CPSF7: variants seen among roughly 807,000 people sequenced by gnomAD.
CPSF7 encodes the protein cleavage and polyadenylation specific factor 7.
In CPSF7, 1 loss-of-function variant was observed where a neutral mutation model predicts 44.3. The observed-to-expected ratio is 0.02, with a 90% CI of 0.01 to 0.11. The LOEUF (loss-of-function observed/expected upper bound fraction) is 0.11. CPSF7 is among the 10% of genes least tolerant of loss of function. CPSF7 has a pLI of 1.00. For missense variants in CPSF7, 443 were observed against 607.2 expected (o/e 0.73, Z 2.84); for synonymous variants, 202 against 222.0 (o/e 0.91, Z 0.80).
At chr11:61,429,891 C>T in intron 1 of CPSF7, 23 bp downstream of exon 1, 1 of 1,517,948 alleles carries the variant, frequency 6.6e-7, no homozygotes, top group East Asian at 2.5e-5. Flanking sequence ...CCCAACCTGC[C>T]CCCGACCGCG....
Position 61,420,104 on chromosome 11 carries a change from G to T in CPSF7, c.378-10C>A, listed in dbSNP as rs1273137257. On this transcript the variant is annotated splice_polypyrimidine_tract_variant and intron_variant, in intron 4 of 9. Transcript: ENST00000439958. ...CACCACCTCAGCATACCTTAGGAAAGAAAAATTAAAAATGAATGAAATCTG... is the reference window on the plus strand; with the variant it reads ...CACCACCTCAGCATACCTTAGGAAATAAAAATTAAAAATGAATGAAATCTG... The T allele has an allele frequency of 6.3e-7, 1 of 1,583,346 alleles. No individual in the cohort carries two copies. Among genetic ancestry groups the T allele is most frequent in the East Asian group, 2.3e-5 (1 of 44,408 alleles).
At chr11:61,423,205 C>T (rs1861056552) in intron 2 of CPSF7, among the ~76,000 whole-genome samples, 1 of 120,948 alleles carries the variant, frequency 8.3e-6, no homozygotes, top group African/African-American at 2.9e-5. Flanking sequence ...CACAGTCTTG[C>T]TCCATTGCCC....
chr11:61,411,771 G>C lies in CPSF7; in HGVS notation c.1224C>G (p.Ser408=), dbSNP rs1462702397. Reference sequence around the variant, plus strand: ...TGAGGACACAATCACCAACTCACCTGGAAGAGCTCCCACTGGCACCCACAC... The same window carrying C: ...TGAGGACACAATCACCAACTCACCTCGAAGAGCTCCCACTGGCACCCACAC... ...SYSVGASGSS[S]RKRHRSRERS... is the part of the protein sequence containing the mutation. Residue 408 remains serine (S), a splice_region_variant and synonymous_variant, in exon 8 of 10, where the codon TCC becomes TCG. Coordinates refer to ENST00000439958, the MANE Select transcript of CPSF7 (RefSeq NM_001142565.3). The C allele has an allele frequency of 1.2e-6, 2 of 1,609,786 alleles. No individual in the cohort carries two copies. The highest frequency in any genetic ancestry group is 1.3e-5 in the African/African-American group (1 of 74,848).
chr11:61,415,948 A>G (rs985466892), intron 6 of CPSF7, 157 bp downstream of exon 6: 10 of 855,470 alleles, frequency 1.2e-5, no homozygotes, highest in African/African-American at 6.8e-5. Context: ...AAAGGGGTAT[A>G]AAGGACATGG....
At chr11:61,421,201 G>T in intron 3 of CPSF7, 189 bp downstream of exon 3, 1 of 1,096,778 alleles carries the variant, frequency 9.1e-7, no homozygotes, top group Non-Finnish European at 1.3e-6. Flanking sequence ...CTTAATCATT[G>T]CTTTCTTCGG....
At chr11:61,408,844 A>T (rs1859574456) in intron 9 of CPSF7, among the ~76,000 whole-genome samples, 1 of 152,198 alleles carries the variant, frequency 6.6e-6, no homozygotes, top group African/African-American at 2.4e-5. Context: ...ATTACTTAAG[A>T]GTTTTTATCC....
At chr11:61,422,536 G>A (rs945508441) in intron 2 of CPSF7, among the ~76,000 whole-genome samples, 2 of 151,984 alleles carry the variant, frequency 1.3e-5, no homozygotes, top group South Asian at 2.1e-4. Flanking sequence ...AGGCTAGTCT[G>A]GAACTCCTGG....
chr11:61,411,790 C>T lies in CPSF7; in HGVS notation c.1205G>A (p.Gly402Asp). The change falls in exon 8 of 10, where the codon GGT (glycine) becomes GAT (aspartate). Residue 402 changes from glycine (G) to aspartate (D), a missense_variant. Coordinates refer to ENST00000439958, the MANE Select transcript of CPSF7 (RefSeq NM_001142565.3). ...HGIEAKSYSV[G>D]ASGSSSRKRH... ...TCACCTGGAAGAGCTCCCACTGGCA[C>T]CCACACTGTAGGACTTGGCTTCGAT... 2 of 1,612,910 alleles carry T rather than the reference C, an allele frequency of 1.2e-6. No individual in the cohort carries two copies. Among genetic ancestry groups the T allele is most frequent in the Non-Finnish European group, 1.7e-6 (2 of 1,179,592 alleles).
At chr11:61,411,502 G>A (rs542669209) in intron 8 of CPSF7, among the ~76,000 whole-genome samples, 3 of 152,204 alleles carry the variant, frequency 2.0e-5, no homozygotes, top group Non-Finnish European at 4.4e-5. Context: ...ATCCAAGCTT[G>A]TAGGGCTCCA....
chr11:61,429,086 G>A lies in CPSF7; in HGVS notation c.54+96C>T, dbSNP rs1861674030. On this transcript the variant is annotated intron_variant, in intron 2 of 9. Coordinates refer to ENST00000439958, the MANE Select transcript of CPSF7 (RefSeq NM_001142565.3). ...TTAGACCGGATAGACGCGTGTTCAA[G>A]CCTAGGACTGGTACAGCTTGAAACC... The A allele has an allele frequency of 1.3e-5, 10 of 754,386 alleles. No individual in the cohort carries two copies. The South Asian group carries it at 1.5e-4, about 11-fold the overall frequency. 46.7% of individuals were successfully genotyped at this position (754,386 alleles called of 1,614,324 possible).
At chr11:61,424,233 G>A (rs369492127) in intron 2 of CPSF7, among the ~76,000 whole-genome samples, 1 of 152,184 alleles carries the variant, frequency 6.6e-6, no homozygotes, top group Non-Finnish European at 1.5e-5. Flanking sequence ...AGGTCAGCTA[G>A]GGCTAATGAG....
intron 7 of CPSF7, 79 bp downstream of exon 7, chr11:61,415,586 CT>C: frequency 2.2e-6 from 2 of 917,312 alleles, no homozygotes; most frequent in Non-Finnish European, 3.6e-6. Context: ...TCTTGTTGAA[CT>C]TTTGCCAGTA....
At chr11:61,419,387 C>G (rs956410310) in intron 5 of CPSF7, among the ~76,000 whole-genome samples, 1 of 152,176 alleles carries the variant, frequency 6.6e-6, no homozygotes, top group Non-Finnish European at 1.5e-5. Context: ...ATCAAAAGAG[C>G]ACCCTCTCCC....
intron 2 of CPSF7, among the ~76,000 whole-genome samples, chr11:61,424,814 T>C (rs1334219921): frequency 6.6e-6 from 1 of 152,222 alleles, no homozygotes; most frequent in Non-Finnish European, 1.5e-5. Flanking sequence ...AAACACATCA[T>C]CTTGGATAAT....
intron 2 of CPSF7, among the ~76,000 whole-genome samples, chr11:61,427,533 G>A (rs772601671): frequency 4.6e-5 from 7 of 151,628 alleles, no homozygotes; most frequent in Admixed American, 3.3e-4. Flanking sequence ...CACGCCTGTA[G>A]TCCCAGCTAC....
chr11:61,421,627 GC>G lies in CPSF7; in HGVS notation c.55-20del, dbSNP rs769997826. 4 of 1,566,422 alleles carry G rather than the reference GC, an allele frequency of 2.6e-6. No individual in the cohort carries two copies. The highest frequency in any genetic ancestry group is 2.6e-6 in the Non-Finnish European group (3 of 1,138,886). On this transcript the variant is annotated intron_variant, in intron 2 of 9. Transcript: ENST00000439958. ...CTGGGTCCTAAGAGATGAGGGGTTG[GC>G]AAAGGTAGGTCTGCAAACTTCATTT...
At chr11:61,412,766 CAATA>C (rs1303622858) in intron 7 of CPSF7, among the ~76,000 whole-genome samples, 1 of 152,120 alleles carries the variant, frequency 6.6e-6, no homozygotes, top group Non-Finnish European at 1.5e-5. Context: ...CAGTAAGGAT[CAATA>C]AATGTTATGT....
chr11:61,429,696 C>T lies in CPSF7; in HGVS notation c.-56+218G>A. The stretch of plus-strand genomic sequence containing the variant: ...TGTCAAGCAGCTCCAGCCGCCTCTG[C>T]CCCCAACCCAGGCCTACTCTTCGCC... On this transcript the variant is annotated intron_variant, in intron 1 of 9. Transcript: ENST00000439958. The T allele has an allele frequency of 2.6e-6, 4 of 1,514,618 alleles. 1 individual carries two copies. In the South Asian group the frequency reaches 4.8e-5, roughly 18 times the overall value. 93.8% of individuals were successfully genotyped at this position (1,514,618 alleles called of 1,614,324 possible).
rs1860259877 is a variant in CPSF7, at chr11:61,415,701, C to A, written c.1022G>T (p.Ser341Ile). 6.2e-7 allele frequency: 1 copy of A among 1,613,870 alleles called. No homozygotes were observed. The highest frequency in any genetic ancestry group is 1.3e-5 in the African/African-American group (1 of 74,920). Residue 341 changes from serine (S) to isoleucine (I), a missense_variant, in exon 7 of 10, where the codon AGT becomes ATT. Coordinates refer to ENST00000439958, the MANE Select transcript of CPSF7 (RefSeq NM_001142565.3). ...TCCAGATACTGCTTTGGAAATGGCA[C>A]TGCTGGAAATTGCTCTGTTTCGCTT... ...IMKRNRAISS[S>I]AISKAVSGAS...
Sources: gnomAD v4.1 joint callset for allele counts (sites outside exome capture counted in the v4.1 genomes callset) on GRCh38, gnomAD v4.1.1 for gene constraint, MANE v1.5 for transcripts, NCBI Gene and HGNC (gene_info 2026-07-23, HGNC 2026-07-21) for gene names.